The following TTC39B variants were observed in gnomAD, a reference collection of about 807,000 sequenced individuals.
TTC39B encodes tetratricopeptide repeat protein 39B.
TTC39B carries 92 observed loss-of-function variants against 96.6 expected under a neutral mutation model. The ratio of observed to expected loss-of-function variants is 0.95; its 90% CI spans 0.80 to 1.13. The LOEUF is 1.13. Among genes scored for constraint, TTC39B ranks in the 50% most tolerant of loss-of-function variants. The pLI is 0.00. For synonymous variants in TTC39B, 367 were observed against 299.4 expected, an observed-to-expected ratio of 1.23 and a Z score of -2.33; for missense variants, 955 against 809.3, an observed-to-expected ratio of 1.18 and a Z score of -2.18.
intron 3 of TTC39B, among the ~76,000 whole-genome samples, chr9:15,216,180 A>G (rs1314884779): frequency 6.6e-6 from 1 of 152,194 alleles, no homozygotes; most frequent in East Asian, 1.9e-4. Context: ...TATCTTGTGC[A>G]TGTAGCATTT....
intron 8 of TTC39B, among the ~76,000 whole-genome samples, chr9:15,194,931 T>C (rs543770740): frequency 3.2e-4 from 48 of 152,316 alleles, no homozygotes; most frequent in Middle Eastern, 3.4e-3. Context: ...ATTAGGCCAG[T>C]TGGTAACTCT....
chr9:15,298,490 G>C lies in TTC39B; in HGVS notation c.240+8594C>G, dbSNP rs151301808. On this transcript the variant is annotated intron_variant, in intron 1 of 19. Transcript: ENST00000512701. ...TGGTGAAAGATGAAGGAGGAGCAAA[G>C]GCACATCTTACATGGCAGCAGGCAA... 3.3e-5 allele frequency among the ~76,000 whole-genome samples: 5 copies of C among 152,314 alleles called. No individual in the cohort carries two copies. In the East Asian group the frequency reaches 5.8e-4, roughly 18 times the overall value.
chr9:15,258,030 A>AGC (rs1403918396), intron 2 of TTC39B, among the ~76,000 whole-genome samples: 2 of 152,010 alleles, frequency 1.3e-5, no homozygotes, highest in Admixed American at 6.6e-5. Context: ...ACTGCACTCC[A>AGC]GCCTGGGCAA....
chr9:15,249,688 CT>C (rs1822444260), intron 2 of TTC39B: 1 of 201,026 alleles, frequency 5.0e-6, no homozygotes, highest in African/African-American at 2.4e-5. Flanking sequence ...CAGCACTCAC[CT>C]TAGGAAGTTT....
intron 2 of TTC39B, among the ~76,000 whole-genome samples, chr9:15,234,929 G>C (rs1412052891): frequency 6.6e-6 from 1 of 151,536 alleles, no homozygotes; most frequent in African/African-American, 2.4e-5. Context: ...GAAAACCAGA[G>C]ACCTTTGTTC....
intron 2 of TTC39B, among the ~76,000 whole-genome samples, chr9:15,266,298 G>A (rs1486999460): frequency 6.6e-6 from 1 of 151,402 alleles, no homozygotes; most frequent in Non-Finnish European, 1.5e-5. Flanking sequence ...AAATAAAAAT[G>A]TATAATACTA....
At chr9:15,186,504 T>A in intron 15 of TTC39B, 1 of 153,318 alleles carries the variant, frequency 6.5e-6, no homozygotes, top group Admixed American at 6.5e-5. Flanking sequence ...CATAAACTGT[T>A]TTGATATGGA....
exon 6 of TTC39B, chr9:15,210,097 G>A (rs780769240): frequency 1.9e-6 from 3 of 1,604,174 alleles, no homozygotes; most frequent in South Asian, 1.1e-5. Context: ...CCTTCACTCA[G>A]TTGCTCCAGG....
Position 15,190,495 on chromosome 9 carries a change from C to A in TTC39B, c.1105+59G>T, listed in dbSNP as rs548123788. On this transcript the variant is annotated intron_variant, in intron 11 of 19. Transcript: ENST00000512701. The stretch of plus-strand genomic sequence containing the variant: ...CAAGTAGTTGGGATTACAGGTGTAA[C>A]ACACCATGTCTGGCCAAGACAATCA... 3.0e-5 allele frequency: 44 copies of A among 1,484,534 alleles called. No individual in the cohort carries two copies. The South Asian group carries it at 4.2e-4, about 14-fold the overall frequency. The allele number at this position is 1,484,534 out of a possible 1,614,324, so 92.0% of individuals were successfully genotyped here.
intron 2 of TTC39B, among the ~76,000 whole-genome samples, chr9:15,250,483 G>T (rs1001967907): frequency 6.6e-6 from 1 of 151,572 alleles, no homozygotes; most frequent in South Asian, 2.1e-4. Flanking sequence ...CTGAGACGCA[G>T]ATTTTATATC....
At chr9:15,240,535 C>G (rs1211579453) in intron 2 of TTC39B, among the ~76,000 whole-genome samples, 1 of 151,700 alleles carries the variant, frequency 6.6e-6, no homozygotes, top group African/African-American at 2.4e-5. Flanking sequence ...GATAATGTAC[C>G]ATTTTAACAA....
chr9:15,197,770 T>A (rs540307852), intron 8 of TTC39B, among the ~76,000 whole-genome samples: 1 of 151,822 alleles, frequency 6.6e-6, no homozygotes, highest in South Asian at 2.1e-4. Context: ...ACATTATATA[T>A]AGGGGAACAA....
intron 1 of TTC39B, among the ~76,000 whole-genome samples, chr9:15,279,703 A>G (rs577368383): frequency 6.6e-6 from 1 of 151,966 alleles, no homozygotes. Flanking sequence ...GCAGCCTGGG[A>G]AAGGTTAGGA....
exon 20 of TTC39B, chr9:15,171,896 T>C (rs1286989796): frequency 3.3e-6 from 2 of 607,102 alleles, no homozygotes; most frequent in African/African-American, 1.9e-5. Context: ...ATAGAAAATA[T>C]TGACCAAAAA....
chr9:15,190,615 C>A, exon 11 of TTC39B: 1 of 1,614,238 alleles, frequency 6.2e-7, no homozygotes, highest in East Asian at 2.2e-5. Flanking sequence ...GTGCAGACCT[C>A]ATGCTCCTTC....
chr9:15,223,675 G>A (rs1820968093), intron 3 of TTC39B, among the ~76,000 whole-genome samples: 1 of 152,166 alleles, frequency 6.6e-6, no homozygotes, highest in Non-Finnish European at 1.5e-5. Flanking sequence ...TGCATTAGAA[G>A]ACCTATCAAT....
chr9:15,173,997 G>T (rs887607506), intron 19 of TTC39B, among the ~76,000 whole-genome samples: 1 of 152,120 alleles, frequency 6.6e-6, no homozygotes, highest in Non-Finnish European at 1.5e-5. Flanking sequence ...TGTCAGGAAT[G>T]CTCCCTACCT....
At chr9:15,182,280 T>C in intron 17 of TTC39B, 27 bp downstream of exon 17, 1 of 1,456,634 alleles carries the variant, frequency 6.9e-7, no homozygotes, top group Non-Finnish European at 9.5e-7. Context: ...AGACAAAGGC[T>C]CCTCGGTGCT....
At chr9:15,257,237 G>A (rs1822783905) in intron 2 of TTC39B, among the ~76,000 whole-genome samples, 1 of 152,144 alleles carries the variant, frequency 6.6e-6, no homozygotes, top group Non-Finnish European at 1.5e-5. Flanking sequence ...AATTATGAAA[G>A]AGACTGTCTT....
Sources: gnomAD v4.1 joint callset for allele counts (sites outside exome capture counted in the v4.1 genomes callset) on GRCh38, gnomAD v4.1.1 for gene constraint, MANE v1.5 for transcripts, NCBI Gene and HGNC (gene_info 2026-07-23, HGNC 2026-07-21) for gene names.